CSMD3: variants seen among roughly 807,000 people sequenced by gnomAD.
CSMD3 encodes the protein CUB and Sushi multiple domains 3, also known as CUB and sushi domain-containing protein 3.
In CSMD3, 177 loss-of-function variants were observed where a neutral mutation model predicts 435.2. The ratio of observed to expected loss-of-function variants is 0.41; its 90% CI spans 0.36 to 0.46. The LOEUF (loss-of-function observed/expected upper bound fraction) is 0.46, where lower values mean the gene tolerates loss of function less well. Among genes scored for constraint, CSMD3 ranks in the 20% least tolerant of loss-of-function variants. The pLI, the probability that CSMD3 is intolerant of heterozygous loss-of-function variation, is 0.34. For missense variants in CSMD3, 4,265 were observed against 4,504.6 expected (o/e 0.95, Z 1.52); for synonymous variants, 1,656 against 1,520.5 (o/e 1.09, Z -2.07).
At chr8:112,405,214 C>CAAAACATATATATATAT (rs1831704106) in intron 35 of CSMD3, among the ~76,000 whole-genome samples, 1 of 19,070 alleles carries the variant, frequency 5.2e-5, no homozygotes, top group Non-Finnish European at 8.0e-5. Context: ...AAAAAACCCC[C>CAAAACATATATATATAT]ATATATATAT....
At chr8:112,409,796 T>C (rs1832176010) in intron 32 of CSMD3, among the ~76,000 whole-genome samples, 1 of 151,936 alleles carries the variant, frequency 6.6e-6, no homozygotes, top group African/African-American at 2.4e-5. Flanking sequence ...TTACCCAAAC[T>C]AAAACTATAA....
chr8:113,334,142 G>A (rs918519652), intron 1 of CSMD3, among the ~76,000 whole-genome samples: 23 of 151,568 alleles, frequency 1.5e-4, no homozygotes, highest in African/African-American at 5.6e-4. Context: ...CACTTATGTA[G>A]AGTAGTCTTT....
chr8:113,202,208 T>C (rs1352144272), intron 3 of CSMD3, among the ~76,000 whole-genome samples: 1 of 152,154 alleles, frequency 6.6e-6, no homozygotes, highest in Non-Finnish European at 1.5e-5. Context: ...ATTGCACATG[T>C]GTTTAATTAT....
intron 32 of CSMD3, among the ~76,000 whole-genome samples, chr8:112,444,128 T>C (rs1815344709): frequency 1.3e-5 from 2 of 152,154 alleles, no homozygotes. Context: ...AAAAGGAGCA[T>C]ATGGGAAAAG....
chr8:113,037,798 A>T (rs945621497), intron 5 of CSMD3, among the ~76,000 whole-genome samples: 3 of 152,222 alleles, frequency 2.0e-5, no homozygotes, highest in African/African-American at 7.2e-5. Flanking sequence ...AAACAAAAAA[A>T]AACAAAACAG....
At chr8:112,594,488 T>G (rs369366254) in intron 22 of CSMD3, among the ~76,000 whole-genome samples, 1 of 152,012 alleles carries the variant, frequency 6.6e-6, no homozygotes, top group African/African-American at 2.4e-5. Context: ...CAAAGCAGCC[T>G]GGAAGCTCGA....
intron 5 of CSMD3, among the ~76,000 whole-genome samples, chr8:113,029,098 T>C (rs2086984051): frequency 6.6e-6 from 1 of 151,506 alleles, no homozygotes; most frequent in South Asian, 2.1e-4. Context: ...CATTTATTAT[T>C]CAAAAATCCT....
At chr8:112,974,028 G>T (rs1200113605) in intron 7 of CSMD3, among the ~76,000 whole-genome samples, 1 of 151,846 alleles carries the variant, frequency 6.6e-6, no homozygotes, top group East Asian at 1.9e-4. Context: ...TCACCATTTT[G>T]TAAAGAATAT....
chr8:112,409,120 G>C, intron 32 of CSMD3, 88 bp from the exon 33 acceptor site: 714 of 1,455,580 alleles, frequency 4.9e-4, no homozygotes, highest in Non-Finnish European at 6.2e-4. Flanking sequence ...GAGGAGGAGA[G>C]AGAGAACAAA....
chr8:112,388,681 G>C (rs545768385), intron 36 of CSMD3, among the ~76,000 whole-genome samples: 2 of 152,266 alleles, frequency 1.3e-5, no homozygotes, highest in African/African-American at 4.8e-5. Context: ...ATGTTTTGCA[G>C]CTTAGGTGAG....
At chr8:112,413,956 C>T (rs1811629674) in intron 32 of CSMD3, among the ~76,000 whole-genome samples, 1 of 152,124 alleles carries the variant, frequency 6.6e-6, no homozygotes, top group South Asian at 2.1e-4. Context: ...CTCCACCATC[C>T]CCCAGGTGAT....
intron 1 of CSMD3, among the ~76,000 whole-genome samples, chr8:113,398,152 T>C (rs2094492963): frequency 6.6e-6 from 1 of 152,192 alleles, no homozygotes; most frequent in African/African-American, 2.4e-5. Flanking sequence ...TGTTTTTCTG[T>C]ATTTTCTTGT....
intron 10 of CSMD3, among the ~76,000 whole-genome samples, chr8:112,883,481 CAAAT>C (rs1025082286): frequency 6.6e-6 from 1 of 151,838 alleles, no homozygotes; most frequent in East Asian, 1.9e-4. Flanking sequence ...GTTTTTCTAA[CAAAT>C]AGTTTAAAAA....
chr8:112,609,031 G>A (rs1196929775), intron 22 of CSMD3, among the ~76,000 whole-genome samples: 1 of 151,340 alleles, frequency 6.6e-6, no homozygotes, highest in Non-Finnish European at 1.5e-5. Context: ...TGCCCAGCAA[G>A]GGTAACAATC....
chr8:112,562,601 G>A (rs1232307841), intron 24 of CSMD3, among the ~76,000 whole-genome samples: 1 of 150,926 alleles, frequency 6.6e-6, no homozygotes, highest in Non-Finnish European at 1.5e-5. Context: ...AATAAAAGTT[G>A]ATATAATGCA....
intron 5 of CSMD3, among the ~76,000 whole-genome samples, chr8:113,097,643 A>G (rs1246830248): frequency 6.6e-6 from 1 of 152,052 alleles, no homozygotes; most frequent in Non-Finnish European, 1.5e-5. Flanking sequence ...ATTGAATCAT[A>G]TAAGAAATAT....
At chr8:113,173,311 C>T (rs2092297803) in intron 4 of CSMD3, among the ~76,000 whole-genome samples, 1 of 151,570 alleles carries the variant, frequency 6.6e-6, no homozygotes, top group Admixed American at 6.6e-5. Flanking sequence ...ACTATTTATC[C>T]TTTAGGTTTT....
At chr8:112,435,621 A>C (rs1034430434) in intron 32 of CSMD3, among the ~76,000 whole-genome samples, 2 of 152,080 alleles carry the variant, frequency 1.3e-5, no homozygotes, top group Non-Finnish European at 2.9e-5. Flanking sequence ...GGTATGATGC[A>C]ATAACTTAAA....
intron 19 of CSMD3, 109 bp downstream of exon 19, chr8:112,650,052 C>T: frequency 1.2e-6 from 1 of 845,920 alleles, no homozygotes. Flanking sequence ...ATCAAAAGAA[C>T]TTTTAAAAAA....
Sources: allele counts gnomAD v4.1 joint callset (sites outside exome capture counted in the v4.1 genomes callset), GRCh38; gene constraint gnomAD v4.1.1; transcripts MANE v1.5; gene names NCBI Gene and HGNC (gene_info 2026-07-23, HGNC 2026-07-21).